Variants in CNNM2 observed in about 807,000 individuals in gnomAD.
CNNM2 encodes cyclin and CBS domain divalent metal cation transport mediator 2, also known as metal transporter CNNM2.
A neutral mutation model predicts 66.9 loss-of-function variants in CNNM2; 12 were observed. That is an observed-to-expected ratio of 0.18 (90% CI 0.11 to 0.29). CNNM2 has a LOEUF of 0.29. Ranked by LOEUF, CNNM2 falls within the 10% of genes least tolerant of loss-of-function variation. The pLI is 1.00. For missense variants in CNNM2, 705 were observed against 1,167.7 expected, an observed-to-expected ratio of 0.60 and a Z score of 5.77; for synonymous variants, 557 against 501.8, an observed-to-expected ratio of 1.11 and a Z score of -1.47.
At chr10:102,941,322 G>A (rs960125871) in intron 1 of CNNM2, among the ~76,000 whole-genome samples, 2 of 152,004 alleles carry the variant, frequency 1.3e-5, no homozygotes, top group African/African-American at 4.8e-5. Context: ...TGCCCAGGCT[G>A]GTCTTAAACA....
At chr10:102,960,154 G>A (rs1194887248) in intron 1 of CNNM2, among the ~76,000 whole-genome samples, 4 of 152,126 alleles carry the variant, frequency 2.6e-5, no homozygotes, top group Non-Finnish European at 4.4e-5. Flanking sequence ...CATGTGAAGA[G>A]CTCAGCACAG....
chr10:102,930,276 CA>C (rs1319956151), intron 1 of CNNM2, among the ~76,000 whole-genome samples: 4 of 151,632 alleles, frequency 2.6e-5, no homozygotes, highest in African/African-American at 9.7e-5. Flanking sequence ...TATAGACATG[CA>C]AAAAAATATA....
At chr10:102,978,311 CT>C (rs2063669615) in intron 1 of CNNM2, among the ~76,000 whole-genome samples, 1 of 151,048 alleles carries the variant, frequency 6.6e-6, no homozygotes, top group South Asian at 2.1e-4. Context: ...CTCTGCAAAT[CT>C]ATACTTGCTG....
chr10:103,037,665 A>G (rs778574267), intron 1 of CNNM2, among the ~76,000 whole-genome samples: 7 of 152,152 alleles, frequency 4.6e-5, no homozygotes, highest in Non-Finnish European at 5.9e-5. Context: ...TACAAAGGAA[A>G]ACTCTAGAAA....
At position 103,077,403 on chromosome 10, in the gene CNNM2, T is replaced by G; in HGVS notation, c.*223T>G. ...GGCAGCCGGGGCATGGCGTTCAAGA[T>G]TTTGGAGATGAACTGATTCCGCCCA... On this transcript the variant is annotated 3_prime_UTR_variant, in exon 8 of 8. Coordinates refer to ENST00000369878, the MANE Select transcript of CNNM2 (RefSeq NM_017649.5). 2 of 519,492 alleles carry G rather than the reference T, an allele frequency of 3.8e-6. No individual in the cohort carries two copies. The highest frequency in any genetic ancestry group is 6.8e-6 in the Non-Finnish European group (2 of 292,748). The allele number at this position is 519,492 out of a possible 1,614,324, so 32.2% of individuals were successfully genotyped here.
rs1038175402 is a variant in CNNM2 at position 102,980,157 on chromosome 10, G to A, written c.1621+60056G>A. 9.0e-4 allele frequency among the ~76,000 whole-genome samples: 137 copies of A among 152,162 alleles called. 2 individuals are homozygous for A. The highest frequency in any genetic ancestry group is 9.0e-3 in the Admixed American group (137 of 15,278). On this transcript the variant is annotated intron_variant, in intron 1 of 7. Transcript: ENST00000369878. ...CTCAGACGCCATGTTGGCCAGGCTG[G>A]TCTCAGAACTCCTGACCTCAAGTGA... is the stretch of plus-strand genomic sequence containing the variant.
chr10:102,968,842 A>G (rs768238911), intron 1 of CNNM2, among the ~76,000 whole-genome samples: 17 of 147,790 alleles, frequency 1.2e-4, no homozygotes, highest in Non-Finnish European at 2.4e-4. Context: ...CTCAAGCAAT[A>G]TTCTTGCCTT....
intron 1 of CNNM2, among the ~76,000 whole-genome samples, chr10:103,012,397 G>A (rs1478790911): frequency 6.6e-6 from 1 of 152,190 alleles, no homozygotes; most frequent in Non-Finnish European, 1.5e-5. Context: ...TGTAATCCCA[G>A]CACTTTGGGA....
chr10:102,993,563 A>ATT (rs2134244933), intron 1 of CNNM2, among the ~76,000 whole-genome samples: 1 of 151,822 alleles, frequency 6.6e-6, no homozygotes, highest in African/African-American at 2.4e-5. Flanking sequence ...CTTATAGTGG[A>ATT]TTGTTTCCTC....
Position 103,034,089 on chromosome 10 carries a change from A to G in CNNM2, c.1622-15618A>G, listed in dbSNP as rs191939940. 3.6e-3 allele frequency among the ~76,000 whole-genome samples: 542 copies of G among 152,172 alleles called. 3 individuals carry two copies. Among genetic ancestry groups the G allele is most frequent in the African/African-American group, 0.013 (529 of 41,544 alleles). Reference sequence around the variant, plus strand: ...ATACATTGGATAAGAATTTATCTAGATGATTAATTTTCCTTCTAATATCCA... The same window carrying G: ...ATACATTGGATAAGAATTTATCTAGGTGATTAATTTTCCTTCTAATATCCA... On this transcript the variant is annotated intron_variant, in intron 1 of 7. Coordinates refer to ENST00000369878, the MANE Select transcript of CNNM2 (RefSeq NM_017649.5).
chr10:102,924,016 A>G (rs1009972816), intron 1 of CNNM2, among the ~76,000 whole-genome samples: 1 of 151,992 alleles, frequency 6.6e-6, no homozygotes, highest in Non-Finnish European at 1.5e-5. Flanking sequence ...CCTTTACACA[A>G]CTCTGCTCTC....
chr10:102,989,319 A>G (rs898660798), intron 1 of CNNM2, among the ~76,000 whole-genome samples: 2 of 152,222 alleles, frequency 1.3e-5, no homozygotes, highest in African/African-American at 4.8e-5. Context: ...CTCATTGTTC[A>G]GTGAGTAAAT....
At chr10:103,003,058 C>G (rs766133813) in intron 1 of CNNM2, among the ~76,000 whole-genome samples, 1 of 151,102 alleles carries the variant, frequency 6.6e-6, no homozygotes, top group Non-Finnish European at 1.5e-5. Flanking sequence ...ATGCTATGGA[C>G]TATTATTCAG....
At chr10:103,034,990 A>AAAAAAAAAAAAAAAAAC in intron 1 of CNNM2, among the ~76,000 whole-genome samples, 1 of 149,012 alleles carries the variant, frequency 6.7e-6, no homozygotes, top group African/African-American at 2.5e-5. Context: ...AAAAAAAAAA[A>AAAAAAAAAAAAAAAAAC]TCTCCTACTA....
At chr10:103,068,514 G>A (rs527981510) in intron 4 of CNNM2, 115 bp from the exon 5 acceptor site, 23 of 833,268 alleles carry the variant, frequency 2.8e-5, no homozygotes, top group African/African-American at 8.4e-5. Context: ...TTACTCCCTC[G>A]ATAGTGTTGG....
intron 1 of CNNM2, among the ~76,000 whole-genome samples, chr10:102,948,552 A>G (rs1270537842): frequency 6.6e-6 from 1 of 152,194 alleles, no homozygotes; most frequent in Non-Finnish European, 1.5e-5. Flanking sequence ...TGGCGAAGTC[A>G]GCAGAAGCAA....
At position 102,938,261 on chromosome 10, in the gene CNNM2, C is replaced by T. The variant is rs375278461; in HGVS notation, c.1621+18160C>T. 1.9e-3 allele frequency among the ~76,000 whole-genome samples: 282 copies of T among 149,234 alleles called. 2 individuals carry two copies. Among genetic ancestry groups the T allele is most frequent in the African/African-American group, 6.6e-3 (271 of 40,832 alleles). ...GACCAGCCTGGCCAACATGGTGAAA[C>T]CCCATCTCTTCTAAAAAAAAAAAAA... On this transcript the variant is annotated intron_variant, in intron 1 of 7. Transcript: ENST00000369878.
intron 1 of CNNM2, among the ~76,000 whole-genome samples, chr10:103,025,131 A>C (rs1254363421): frequency 1.3e-5 from 2 of 152,070 alleles, no homozygotes; most frequent in African/African-American, 2.4e-5. Flanking sequence ...TCGCCCTGTC[A>C]CCCAGGCTGG....
At chr10:103,071,978 C>T (rs1350178970) in intron 6 of CNNM2, 139 bp downstream of exon 6, 13 of 798,552 alleles carry the variant, frequency 1.6e-5, no homozygotes, top group Admixed American at 6.5e-5. Flanking sequence ...TCTAAGGTTC[C>T]GTAACTTTAT....
Sources: allele counts gnomAD v4.1 joint callset (sites outside exome capture counted in the v4.1 genomes callset), GRCh38; gene constraint gnomAD v4.1.1; transcripts MANE v1.5; gene names NCBI Gene and HGNC (gene_info 2026-07-23, HGNC 2026-07-21).